PLCL1: variants seen among roughly 807,000 people sequenced by gnomAD.
PLCL1 encodes the protein phospholipase C like 1 (inactive), also known as inactive phospholipase C-like protein 1.
PLCL1 carries 41 observed loss-of-function variants against 84.4 expected under a neutral mutation model. That is an observed-to-expected ratio of 0.49 (90% confidence interval 0.38 to 0.63). The LOEUF (loss-of-function observed/expected upper bound fraction) is 0.63, where lower values mean the gene tolerates loss of function less well. Ranked by LOEUF, PLCL1 falls within the 30% of genes least tolerant of loss-of-function variation. The pLI, the probability that PLCL1 is intolerant of heterozygous loss-of-function variation, is 0.00. For missense variants in PLCL1, 1,206 were observed against 1,367.8 expected (o/e 0.88, Z 1.87); for synonymous variants, 490 against 488.3 (o/e 1.00, Z -0.05).
chr2:197,881,521 C>CTG (rs112582985), intron 1 of PLCL1, among the ~76,000 whole-genome samples: 37 of 151,018 alleles, frequency 2.5e-4, no homozygotes, highest in East Asian at 7.8e-4. Flanking sequence ...GAACAGTGCT[C>CTG]TGTGTGTGTG....
intron 1 of PLCL1, among the ~76,000 whole-genome samples, chr2:197,971,032 T>C (rs1689853143): frequency 6.6e-6 from 1 of 152,258 alleles, no homozygotes; most frequent in African/African-American, 2.4e-5. Flanking sequence ...CATTAAATAC[T>C]TCTCCTGATG....
intron 5 of PLCL1, among the ~76,000 whole-genome samples, chr2:198,122,358 T>C (rs531887160): frequency 7.2e-5 from 11 of 152,264 alleles, no homozygotes; most frequent in African/African-American, 2.6e-4. Context: ...ATTTTTTATA[T>C]GATCTTTTCT....
intron 1 of PLCL1, among the ~76,000 whole-genome samples, chr2:197,894,457 T>TA (rs1334001526): frequency 6.6e-6 from 1 of 152,034 alleles, no homozygotes; most frequent in Non-Finnish European, 1.5e-5. Context: ...TAAAGAACTA[T>TA]AATTACATGG....
At chr2:198,037,029 G>A (rs2105855118) in intron 1 of PLCL1, among the ~76,000 whole-genome samples, 1 of 152,260 alleles carries the variant, frequency 6.6e-6, no homozygotes, top group African/African-American at 2.4e-5. Flanking sequence ...GTCTCTGGGG[G>A]AGAGGCTCTC....
At chr2:197,845,344 C>T (rs554566236) in intron 1 of PLCL1, among the ~76,000 whole-genome samples, 3 of 152,100 alleles carry the variant, frequency 2.0e-5, no homozygotes, top group Non-Finnish European at 4.4e-5. Flanking sequence ...TAGAGTATTT[C>T]TCTTAAGTAG....
chr2:197,904,057 C>G (rs1210084142), intron 1 of PLCL1, among the ~76,000 whole-genome samples: 2 of 152,128 alleles, frequency 1.3e-5, no homozygotes, highest in African/African-American at 4.8e-5. Context: ...CCCACCTCGG[C>G]CTCCCAAAGT....
intron 1 of PLCL1, among the ~76,000 whole-genome samples, chr2:197,974,864 G>A (rs981770216): frequency 1.1e-4 from 17 of 152,300 alleles, no homozygotes; most frequent in Admixed American, 4.6e-4. Flanking sequence ...ATGCTTGGCC[G>A]GGCGCAGTGG....
At chr2:198,137,246 C>T (rs1694275194) in intron 5 of PLCL1, among the ~76,000 whole-genome samples, 1 of 152,088 alleles carries the variant, frequency 6.6e-6, no homozygotes. Flanking sequence ...CTCGTGTGAA[C>T]CTGGGCAATG....
chr2:198,056,362 G>A (rs530805480), intron 1 of PLCL1, among the ~76,000 whole-genome samples: 49 of 152,284 alleles, frequency 3.2e-4, no homozygotes, highest in Middle Eastern at 3.4e-3. Flanking sequence ...TGATCGGAAT[G>A]CAAACATCAG....
intron 1 of PLCL1, among the ~76,000 whole-genome samples, chr2:197,962,036 T>C (rs1211867233): frequency 2.0e-5 from 3 of 152,090 alleles, no homozygotes; most frequent in Non-Finnish European, 2.9e-5. Context: ...ACAGTAAAGT[T>C]GTTTTTAATG....
chr2:198,015,982 A>G (rs1274302781), intron 1 of PLCL1, among the ~76,000 whole-genome samples: 2 of 152,228 alleles, frequency 1.3e-5, no homozygotes, highest in Non-Finnish European at 2.9e-5. Context: ...TAGATTGTAT[A>G]TGTTGGAAAA....
At chr2:198,102,293 C>T (rs1427461945) in intron 4 of PLCL1, among the ~76,000 whole-genome samples, 1 of 151,994 alleles carries the variant, frequency 6.6e-6, no homozygotes, top group Non-Finnish European at 1.5e-5. Context: ...ACCTCTGTCC[C>T]ATGAGGTAAA....
chr2:198,088,180 G>A (rs1232271618), intron 2 of PLCL1, among the ~76,000 whole-genome samples: 1 of 152,024 alleles, frequency 6.6e-6, no homozygotes, highest in Non-Finnish European at 1.5e-5. Flanking sequence ...TATCCAGGTA[G>A]CGTTGATAGT....
intron 1 of PLCL1, among the ~76,000 whole-genome samples, chr2:197,901,676 T>A (rs1261572752): frequency 6.6e-6 from 1 of 152,196 alleles, no homozygotes; most frequent in Non-Finnish European, 1.5e-5. Context: ...TTCAGAGCAA[T>A]TTGAAGTGAA....
intron 1 of PLCL1, among the ~76,000 whole-genome samples, chr2:198,048,727 C>T (rs1691862273): frequency 6.6e-6 from 1 of 152,218 alleles, no homozygotes; most frequent in Non-Finnish European, 1.5e-5. Flanking sequence ...GACCCAGACA[C>T]CTCCCACTAG....
At chr2:197,921,545 A>T (rs1688699130) in intron 1 of PLCL1, among the ~76,000 whole-genome samples, 1 of 152,212 alleles carries the variant, frequency 6.6e-6, no homozygotes, top group Admixed American at 6.5e-5. Flanking sequence ...AAAAAATACA[A>T]ATCAAATTTA....
chr2:197,957,373 A>G (rs1488811664), intron 1 of PLCL1, among the ~76,000 whole-genome samples: 1 of 152,048 alleles, frequency 6.6e-6, no homozygotes, highest in African/African-American at 2.4e-5. Flanking sequence ...GTTGACCTTT[A>G]TAATTGCTAG....
At position 197,854,812 on chromosome 2, in the gene PLCL1, A is replaced by T. The variant is rs142291146; in HGVS notation, c.240+49473A>T. Among the ~76,000 whole-genome samples the T allele has an allele frequency of 1.1e-3, 173 of 152,318 alleles. 1 individual carries two copies. Among genetic ancestry groups the T allele is most frequent in the African/African-American group, 4.0e-3 (167 of 41,584 alleles). ...GCCTGAATTAATTATGGAGGGTCTC[A>T]GTTGGATGGCTTGTCACTTTTTTTG... On this transcript the variant is annotated intron_variant, in intron 1 of 5. Transcript: ENST00000428675.
At chr2:198,067,615 A>G (rs748710522) in intron 1 of PLCL1, among the ~76,000 whole-genome samples, 7 of 152,196 alleles carry the variant, frequency 4.6e-5, no homozygotes, top group African/African-American at 1.7e-4. Flanking sequence ...AAAGCATAGT[A>G]GTAAAATGTA....
Sources: gnomAD v4.1 joint callset for allele counts (sites outside exome capture counted in the v4.1 genomes callset) on GRCh38, gnomAD v4.1.1 for gene constraint, MANE v1.5 for transcripts, NCBI Gene and HGNC (gene_info 2026-07-23, HGNC 2026-07-21) for gene names.